The following PTPRA variants were observed in gnomAD, a reference collection of about 807,000 sequenced individuals.
The protein encoded by PTPRA is protein tyrosine phosphatase receptor type A.
In PTPRA, 25 loss-of-function variants were observed where a neutral mutation model predicts 104.8. That is an observed-to-expected ratio of 0.24 (90% CI 0.17 to 0.33). PTPRA has a LOEUF of 0.33. Ranked by LOEUF, PTPRA falls within the 10% of genes least tolerant of loss-of-function variation. The probability of loss-of-function intolerance (pLI) is 1.00; values close to 1 mark genes in which losing one functional copy is unlikely to be tolerated. For synonymous variants in PTPRA, 323 were observed against 368.9 expected, an observed-to-expected ratio of 0.88 and a Z score of 1.43; for missense variants, 765 against 1,015.3, an observed-to-expected ratio of 0.75 and a Z score of 3.35.
intron 2 of PTPRA, among the ~76,000 whole-genome samples, chr20:2,933,332 G>A (rs556706248): frequency 6.6e-6 from 1 of 152,056 alleles, no homozygotes; most frequent in East Asian, 1.9e-4. Flanking sequence ...GGTTGTGTTT[G>A]TACTTACTAA....
chr20:2,864,564 G>A, the PTPRA span: 1 of 1,614,166 alleles, frequency 6.2e-7, no homozygotes, highest in Middle Eastern at 1.6e-4. The surrounding 1 kb of genome is among the most constrained non-coding windows in gnomAD (Gnocchi z 5.2). Flanking sequence ...AGCATCAGGA[G>A]CTAGAGACGC....
At chr20:2,985,723 A>C (rs1460481592) in intron 6 of PTPRA, among the ~76,000 whole-genome samples, 1 of 152,132 alleles carries the variant, frequency 6.6e-6, no homozygotes, top group African/African-American at 2.4e-5. Context: ...AAAAAGAAGC[A>C]ACCAGCAGTT....
At chr20:2,926,900 CCTG>C (rs1254276468) in intron 2 of PTPRA, among the ~76,000 whole-genome samples, 1 of 149,570 alleles carries the variant, frequency 6.7e-6, no homozygotes, top group African/African-American at 2.5e-5. Context: ...AAGTGATTTT[CCTG>C]CCTCAGCCTC....
At chr20:2,889,312 C>A (rs747950697) in intron 1 of PTPRA, among the ~76,000 whole-genome samples, 4 of 151,984 alleles carry the variant, frequency 2.6e-5, no homozygotes, top group Non-Finnish European at 4.4e-5. Flanking sequence ...TGCTCCAGGC[C>A]CCTTACTTAG....
the PTPRA span, chr20:2,866,766 A>C: frequency 6.1e-6 from 5 of 814,676 alleles, no homozygotes; most frequent in Non-Finnish European, 9.3e-6. Flanking sequence ...GCCTAAGCAA[A>C]GGCAAGCTCA....
chr20:2,956,638 G>A (rs1225301522), intron 3 of PTPRA, among the ~76,000 whole-genome samples: 3 of 150,786 alleles, frequency 2.0e-5, no homozygotes. Flanking sequence ...GAGTGAGAGA[G>A]CAAGACCCTG....
At chr20:2,864,947 T>C in the PTPRA span, 11 of 1,613,728 alleles carry the variant, frequency 6.8e-6, no homozygotes, top group African/African-American at 5.3e-5. The surrounding 1 kb of genome is among the most constrained non-coding windows in gnomAD (Gnocchi z 5.2). Context: ...CTGCATGCTG[T>C]GAGTTCAGGC....
chr20:2,974,511 C>T (rs536491325), intron 5 of PTPRA, among the ~76,000 whole-genome samples: 1 of 151,746 alleles, frequency 6.6e-6, no homozygotes, highest in African/African-American at 2.4e-5. Flanking sequence ...ACTGCAACCT[C>T]CCCCTCCTGG....
At chr20:2,926,747 CTTCCT>C (rs1198620660) in intron 2 of PTPRA, among the ~76,000 whole-genome samples, 27 of 116,650 alleles carry the variant, frequency 2.3e-4, no homozygotes, top group African/African-American at 8.7e-4. Context: ...TTCCTTCTTT[CTTCCT>C]TTCCTTTTTC....
At chr20:2,878,345 TG>T (rs1002236100) in intron 1 of PTPRA, among the ~76,000 whole-genome samples, 113 of 152,230 alleles carry the variant, frequency 7.4e-4, no homozygotes, top group African/African-American at 2.6e-3. Context: ...CCTGAATAGC[TG>T]GGACTGCACA....
chr20:2,936,627 A>C (rs1157957684), intron 2 of PTPRA, among the ~76,000 whole-genome samples: 1 of 151,024 alleles, frequency 6.6e-6, no homozygotes, highest in Non-Finnish European at 1.5e-5. Flanking sequence ...TGCCTGGCTA[A>C]TTTTTGTTTT....
At chr20:2,864,353 A>C in the PTPRA span, 2 of 1,613,754 alleles carry the variant, frequency 1.2e-6, no homozygotes, top group East Asian at 4.5e-5. The surrounding 1 kb of genome is among the most constrained non-coding windows in gnomAD (Gnocchi z 5.2). Flanking sequence ...ACTCCACCTT[A>C]CTCTCCTGCA....
intron 2 of PTPRA, among the ~76,000 whole-genome samples, chr20:2,927,781 AG>A (rs2060357357): frequency 1.3e-5 from 2 of 152,258 alleles, no homozygotes; most frequent in East Asian, 1.9e-4. Flanking sequence ...AGGCTGAGGC[AG>A]GTGGATCACT....
intron 1 of PTPRA, among the ~76,000 whole-genome samples, chr20:2,875,708 A>T (rs971351232): frequency 1.6e-4 from 24 of 152,224 alleles, no homozygotes; most frequent in African/African-American, 5.5e-4. Flanking sequence ...TTCAACAGTC[A>T]TAAAAGGGCT....
chr20:2,964,379 T>C (rs759366435), intron 4 of PTPRA, 29 bp downstream of exon 4: 2 of 1,532,278 alleles, frequency 1.3e-6, no homozygotes, highest in Non-Finnish European at 1.8e-6. Flanking sequence ...AGGCTGCTAT[T>C]TGAAATGAAA....
At position 2,945,706 on chromosome 20, in the gene PTPRA, A is replaced by G. The variant is rs547677748; in HGVS notation, c.-49-2276A>G. 4.0e-3 allele frequency among the ~76,000 whole-genome samples: 606 copies of G among 152,020 alleles called. 4 individuals carry two copies. The highest frequency in any genetic ancestry group is 0.014 in the African/African-American group (565 of 41,446). ...CACTTTATGAAGTCAAGGCAGGTGG[A>G]TCACTTGAGGTCAGGAGTTTGAGGC... is the stretch of plus-strand genomic sequence containing the variant. On this transcript the variant is annotated intron_variant, in intron 2 of 23. Coordinates refer to ENST00000399903, the MANE Select transcript of PTPRA (RefSeq NM_001385305.1).
chr20:3,028,186 G>T (rs555323991), intron 20 of PTPRA, among the ~76,000 whole-genome samples: 2 of 141,058 alleles, frequency 1.4e-5, no homozygotes, highest in Admixed American at 7.0e-5. Flanking sequence ...CCCCAGGCGG[G>T]GGGGGCACCC....
intron 2 of PTPRA, among the ~76,000 whole-genome samples, chr20:2,929,989 G>T (rs910280754): frequency 6.6e-6 from 1 of 152,130 alleles, no homozygotes; most frequent in Middle Eastern, 3.2e-3. Context: ...TAAGATGGTG[G>T]CCATCTGCAG....
At chr20:2,896,278 C>T (rs888822069) in intron 1 of PTPRA, among the ~76,000 whole-genome samples, 2 of 152,146 alleles carry the variant, frequency 1.3e-5, no homozygotes, top group African/African-American at 4.8e-5. Flanking sequence ...ACTAGGGAGG[C>T]TGAGGCAGGA....
Sources: allele counts gnomAD v4.1 joint callset (sites outside exome capture counted in the v4.1 genomes callset), GRCh38; gene constraint gnomAD v4.1.1; non-coding constraint Gnocchi (gnomAD v3.1); transcripts MANE v1.5; gene names NCBI Gene and HGNC (gene_info 2026-07-23, HGNC 2026-07-21).